Variants in ERC1 observed in about 807,000 individuals in gnomAD.
The protein encoded by ERC1 is RAB6 interacting protein 2.
A neutral mutation model predicts 132.0 loss-of-function variants in ERC1; 56 were observed. The observed-to-expected ratio is 0.42, with a 90% CI of 0.34 to 0.53. ERC1 has a LOEUF of 0.53. ERC1 is among the 20% of genes least tolerant of loss of function. ERC1 has a pLI of 0.03. For synonymous variants in ERC1, 478 were observed against 476.1 expected (o/e 1.00, Z -0.05); for missense variants, 1,202 against 1,349.9 (o/e 0.89, Z 1.72).
chr12:1,275,361 G>C (rs150791864), intron 14 of ERC1, among the ~76,000 whole-genome samples: 1 of 152,038 alleles, frequency 6.6e-6, no homozygotes, highest in Non-Finnish European at 1.5e-5. Context: ...GGTGGTGCAC[G>C]CCTGTAGTCC....
intron 1 of ERC1, among the ~76,000 whole-genome samples, chr12:993,775 G>A (rs1274377472): frequency 6.6e-6 from 1 of 152,156 alleles, no homozygotes; most frequent in Non-Finnish European, 1.5e-5. Context: ...GGTGGCACAT[G>A]CCTGTAATCC....
intron 8 of ERC1, among the ~76,000 whole-genome samples, chr12:1,146,314 T>TTTTTTTTGTTG (rs1555269110): frequency 4.5e-5 from 6 of 132,744 alleles, no homozygotes; most frequent in African/African-American, 1.7e-4. Context: ...ACTGGTTTTT[T>TTTTTTTTGTTG]TTTTTTTTTT....
chr12:1,068,874 T>C (rs893723954), intron 2 of ERC1, among the ~76,000 whole-genome samples: 1 of 152,236 alleles, frequency 6.6e-6, no homozygotes, highest in Non-Finnish European at 1.5e-5. Flanking sequence ...TGTCTTTATG[T>C]ATACCTTCTT....
intron 1 of ERC1, among the ~76,000 whole-genome samples, chr12:1,019,393 G>A (rs1034845659): frequency 1.3e-5 from 2 of 152,186 alleles, no homozygotes; most frequent in Non-Finnish European, 2.9e-5. Flanking sequence ...CCGAAGTGCT[G>A]GGGTTATAGG....
intron 16 of ERC1, among the ~76,000 whole-genome samples, chr12:1,373,951 G>A (rs1474201144): frequency 6.6e-6 from 1 of 152,172 alleles, no homozygotes; most frequent in Non-Finnish European, 1.5e-5. Context: ...CAGTTCTCAG[G>A]AGTCCTTCCT....
At chr12:1,207,736 A>G (rs984180597) in intron 12 of ERC1, among the ~76,000 whole-genome samples, 10 of 152,218 alleles carry the variant, frequency 6.6e-5, no homozygotes, top group Non-Finnish European at 1.5e-4. Flanking sequence ...TTAGATAGCA[A>G]TTGTAGATCA....
At chr12:1,485,523 T>C (rs1235555210) in intron 18 of ERC1, among the ~76,000 whole-genome samples, 1 of 152,094 alleles carries the variant, frequency 6.6e-6, no homozygotes, top group Non-Finnish European at 1.5e-5. Context: ...ATTAATGAAA[T>C]TGGGTATTAT....
chr12:1,349,228 T>C (rs2154365759), intron 15 of ERC1, among the ~76,000 whole-genome samples: 1 of 152,156 alleles, frequency 6.6e-6, no homozygotes, highest in Middle Eastern at 3.4e-3. Flanking sequence ...TTCTCCAGGG[T>C]TTCTACAAGA....
intron 12 of ERC1, among the ~76,000 whole-genome samples, chr12:1,191,979 G>A (rs1378369628): frequency 6.6e-6 from 1 of 152,218 alleles, no homozygotes; most frequent in African/African-American, 2.4e-5. Context: ...AAGTGATCGA[G>A]CATGGCATTT....
At chr12:1,108,902 C>T (rs759653990) in intron 4 of ERC1, among the ~76,000 whole-genome samples, 7 of 152,158 alleles carry the variant, frequency 4.6e-5, no homozygotes, top group Non-Finnish European at 7.4e-5. Context: ...GATATAAAGC[C>T]TTAATCTCTC....
chr12:1,122,555 C>T (rs1947612806), intron 7 of ERC1, among the ~76,000 whole-genome samples: 3 of 27,834 alleles, frequency 1.1e-4, no homozygotes, highest in Non-Finnish European at 2.4e-4. Flanking sequence ...GTGTCTCTAT[C>T]TCTATCTCTA....
intron 18 of ERC1, among the ~76,000 whole-genome samples, chr12:1,467,503 G>A (rs1295147613): frequency 6.6e-6 from 1 of 152,100 alleles, no homozygotes; most frequent in Non-Finnish European, 1.5e-5. Context: ...TTTATTCTTA[G>A]GATTCTCCAA....
chr12:1,392,808 T>G (rs1243649804), intron 16 of ERC1, among the ~76,000 whole-genome samples: 2 of 152,216 alleles, frequency 1.3e-5, no homozygotes, highest in Non-Finnish European at 2.9e-5. Context: ...AATGGTGGTT[T>G]TCTGTTTTTT....
intron 12 of ERC1, among the ~76,000 whole-genome samples, chr12:1,233,554 A>G (rs996804213): frequency 2.6e-5 from 4 of 152,002 alleles, no homozygotes; most frequent in African/African-American, 9.7e-5. Flanking sequence ...TCAGTTATAC[A>G]ACACCATTAA....
At chr12:1,308,634 T>C (rs1393443706) in intron 15 of ERC1, among the ~76,000 whole-genome samples, 2 of 152,326 alleles carry the variant, frequency 1.3e-5, no homozygotes, top group Non-Finnish European at 2.9e-5. Context: ...CAAAAAATAA[T>C]AGACATATTA....
intron 2 of ERC1, among the ~76,000 whole-genome samples, chr12:1,042,448 C>T (rs1158661219): frequency 7.4e-5 from 11 of 149,598 alleles, no homozygotes; most frequent in African/African-American, 1.2e-4. Context: ...CGGGTTCAAC[C>T]GGTTCTCTTG....
At chr12:1,334,409 A>G (rs779012397) in intron 15 of ERC1, among the ~76,000 whole-genome samples, 24 of 152,100 alleles carry the variant, frequency 1.6e-4, no homozygotes, top group Non-Finnish European at 2.5e-4. Flanking sequence ...TAATTTTTGT[A>G]TAGGGTGTAA....
At chr12:1,173,984 G>C (rs1156954674) in intron 8 of ERC1, among the ~76,000 whole-genome samples, 4 of 151,534 alleles carry the variant, frequency 2.6e-5, no homozygotes, top group Non-Finnish European at 1.5e-5. Flanking sequence ...GGACTCACCT[G>C]TTATCCATTG....
intron 1 of ERC1, among the ~76,000 whole-genome samples, chr12:1,002,676 C>T (rs999044383): frequency 1.8e-4 from 28 of 152,178 alleles, no homozygotes; most frequent in African/African-American, 6.5e-4. Context: ...CATATCTTTG[C>T]CAATACTTAG....
Sources: gnomAD v4.1 joint callset for allele counts (sites outside exome capture counted in the v4.1 genomes callset) on GRCh38, gnomAD v4.1.1 for gene constraint, MANE v1.5 for transcripts, NCBI Gene and HGNC (gene_info 2026-07-23, HGNC 2026-07-21) for gene names.